Variants in RBFOX1 observed in about 807,000 individuals in gnomAD.
RBFOX1 encodes the protein RNA binding protein fox-1 homolog 1.
A neutral mutation model predicts 57.7 loss-of-function variants in RBFOX1; 8 were observed. That is an observed-to-expected ratio of 0.14 (90% CI 0.08 to 0.25). The LOEUF (loss-of-function observed/expected upper bound fraction) is 0.25. Among genes scored for constraint, RBFOX1 ranks in the 10% least tolerant of loss-of-function variants. The pLI, the probability that RBFOX1 is intolerant of heterozygous loss-of-function variation, is 1.00. For synonymous variants in RBFOX1, 326 were observed against 222.4 expected, an observed-to-expected ratio of 1.47 and a Z score of -4.15; for missense variants, 611 against 548.5, an observed-to-expected ratio of 1.11 and a Z score of -1.14.
At chr16:6,660,341 C>T (rs1213481808) in intron 3 of RBFOX1, among the ~76,000 whole-genome samples, 1 of 151,974 alleles carries the variant, frequency 6.6e-6, no homozygotes, top group Non-Finnish European at 1.5e-5. Context: ...ACCACTATGA[C>T]ACACGATTAC....
chr16:6,927,998 C>A (rs1165373353), intron 3 of RBFOX1, among the ~76,000 whole-genome samples: 1 of 152,316 alleles, frequency 6.6e-6, no homozygotes, highest in East Asian at 1.9e-4. Flanking sequence ...TGTTCCGCTG[C>A]TGCTGGCTTC....
At chr16:6,746,494 T>C (rs1415155145) in intron 3 of RBFOX1, among the ~76,000 whole-genome samples, 2 of 151,980 alleles carry the variant, frequency 1.3e-5, no homozygotes, top group African/African-American at 2.4e-5. Context: ...CTATGCAACA[T>C]GGCAAAGCCT....
At chr16:6,903,576 C>T (rs999525104) in intron 3 of RBFOX1, among the ~76,000 whole-genome samples, 1 of 152,162 alleles carries the variant, frequency 6.6e-6, no homozygotes, top group Admixed American at 6.5e-5. Flanking sequence ...GCCCCGCAAT[C>T]ACTTATCCCA....
Position 7,197,998 on chromosome 16 carries a change from C to CTTTTTTTTTT in RBFOX1, c.27+145916_27+145925dup, listed in dbSNP as rs945404947. Among the ~76,000 whole-genome samples, 147 of 55,602 alleles carry CTTTTTTTTTT rather than the reference C, an allele frequency of 2.6e-3. 1 individual carries two copies. The highest frequency in any genetic ancestry group is 7.2e-3 in the East Asian group (15 of 2,094). 36.5% of individuals were successfully genotyped at this position (55,602 alleles called of 152,430 possible). The stretch of plus-strand genomic sequence containing the variant: ...TCATACCTTGTGGTTTTCTTTCTTT[C>CTTTTTTTTTT]TTTTTTTTTTTTTTTTTTTTTTTTT... On this transcript the variant is annotated intron_variant, in intron 4 of 15. Coordinates refer to ENST00000550418, the MANE Select transcript of RBFOX1 (RefSeq NM_018723.4).
chr16:5,292,188 G>T (rs1278067682), intron 1 of RBFOX1, among the ~76,000 whole-genome samples: 1 of 152,214 alleles, frequency 6.6e-6, no homozygotes, highest in Admixed American at 6.5e-5. Context: ...ATGTGCGCCA[G>T]TGTTACTATA....
chr16:6,411,221 GT>G (rs2093449169), intron 2 of RBFOX1, among the ~76,000 whole-genome samples: 1 of 152,192 alleles, frequency 6.6e-6, no homozygotes, highest in Non-Finnish European at 1.5e-5. Context: ...GGGGCAAGCA[GT>G]TCTCCTGCTG....
intron 4 of RBFOX1, among the ~76,000 whole-genome samples, chr16:7,500,616 C>G (rs974428478): frequency 1.5e-4 from 23 of 152,150 alleles, no homozygotes; most frequent in Admixed American, 1.2e-3. Flanking sequence ...GGGTTCATAT[C>G]ACTAGATATG....
At chr16:6,987,052 C>T (rs1230741679) in intron 3 of RBFOX1, among the ~76,000 whole-genome samples, 1 of 152,028 alleles carries the variant, frequency 6.6e-6, no homozygotes, top group Admixed American at 6.6e-5. Context: ...TTGTGGAGAG[C>T]CTGCCCTCTT....
chr16:6,790,168 T>TGTATTA (rs1567254659), intron 3 of RBFOX1, among the ~76,000 whole-genome samples: 1 of 68,582 alleles, frequency 1.5e-5, no homozygotes, highest in Admixed American at 1.7e-4. Context: ...TTTATTTTAT[T>TGTATTA]CTATTATTAT....
intron 4 of RBFOX1, among the ~76,000 whole-genome samples, chr16:7,115,818 A>G (rs960417590): frequency 6.6e-6 from 1 of 152,226 alleles, no homozygotes; most frequent in Non-Finnish European, 1.5e-5. Flanking sequence ...ATGAACAGGG[A>G]TCACTGGGGA....
At chr16:7,412,536 G>C (rs988955220) in intron 4 of RBFOX1, among the ~76,000 whole-genome samples, 4 of 151,706 alleles carry the variant, frequency 2.6e-5, no homozygotes, top group African/African-American at 9.7e-5. Context: ...TTTTTAAAAA[G>C]GGAAAATAAA....
intron 3 of RBFOX1, among the ~76,000 whole-genome samples, chr16:6,843,224 T>C (rs898854448): frequency 5.9e-5 from 9 of 152,184 alleles, no homozygotes; most frequent in Admixed American, 2.6e-4. Flanking sequence ...TGAAAATCTC[T>C]TTATTTCTGT....
intron 4 of RBFOX1, among the ~76,000 whole-genome samples, chr16:7,125,632 G>C (rs528695317): frequency 6.0e-4 from 92 of 152,112 alleles, no homozygotes; most frequent in African/African-American, 2.1e-3. Flanking sequence ...GATGGATATC[G>C]TTAACTCTAC....
intron 13 of RBFOX1, among the ~76,000 whole-genome samples, chr16:7,666,364 A>ACTAT (rs1035662250): frequency 7.5e-5 from 11 of 147,378 alleles, no homozygotes; most frequent in Admixed American, 2.7e-4. Context: ...CAAAATGGAA[A>ACTAT]CTATCTCCAG....
intron 3 of RBFOX1, among the ~76,000 whole-genome samples, chr16:5,623,127 C>G (rs906174148): frequency 1.3e-5 from 2 of 152,196 alleles, no homozygotes; most frequent in Non-Finnish European, 2.9e-5. Context: ...TTCAGAGAAA[C>G]TGGCCAATCC....
intron 1 of RBFOX1, among the ~76,000 whole-genome samples, chr16:6,149,477 T>C (rs911471483): frequency 3.3e-5 from 5 of 152,260 alleles, no homozygotes; most frequent in Admixed American, 2.6e-4. Flanking sequence ...TTCTTAGTAA[T>C]TATTCCGTGA....
intron 5 of RBFOX1, among the ~76,000 whole-genome samples, chr16:7,521,407 T>C (rs976369929): frequency 2.6e-5 from 4 of 152,146 alleles, no homozygotes; most frequent in African/African-American, 4.8e-5. Context: ...AGAAGAGTTA[T>C]GAAATGAGAC....
At chr16:5,276,849 G>C (rs1278764238) in intron 1 of RBFOX1, among the ~76,000 whole-genome samples, 2 of 152,204 alleles carry the variant, frequency 1.3e-5, no homozygotes, top group Non-Finnish European at 2.9e-5. Flanking sequence ...TGGTGGGAAT[G>C]TAAGCTAGTA....
chr16:5,939,569 G>A (rs2059239694), intron 4 of RBFOX1, among the ~76,000 whole-genome samples: 1 of 152,234 alleles, frequency 6.6e-6, no homozygotes, highest in Non-Finnish European at 1.5e-5. Flanking sequence ...AAGAGAGAAG[G>A]TAAAGAAGAA....
Sources: gnomAD v4.1 joint callset for allele counts (sites outside exome capture counted in the v4.1 genomes callset) on GRCh38, gnomAD v4.1.1 for gene constraint, MANE v1.5 for transcripts, NCBI Gene and HGNC (gene_info 2026-07-23, HGNC 2026-07-21) for gene names.